Variants in CFAP92 observed in about 807,000 individuals in gnomAD.
The protein encoded by CFAP92 is uncharacterized protein CFAP92.
CFAP92 carries 86 observed loss-of-function variants against 106.3 expected under a neutral mutation model. That is an observed-to-expected ratio of 0.81 (90% confidence interval 0.68 to 0.97). The LOEUF (loss-of-function observed/expected upper bound fraction) is 0.97, where lower values mean the gene tolerates loss of function less well. CFAP92 is among the 50% of genes least tolerant of loss of function. CFAP92 has a pLI of 0.00. For synonymous variants in CFAP92, 477 were observed against 506.4 expected (o/e 0.94, Z 0.78); for missense variants, 1,204 against 1,283.8 (o/e 0.94, Z 0.95).
At chr3:129,024,201 G>A in the CFAP92 span, among the ~76,000 whole-genome samples, 1 of 152,232 alleles carries the variant, frequency 6.6e-6, no homozygotes, top group South Asian at 2.1e-4. Context: ...TTGTTCTGCT[G>A]TAACAGAATA....
chr3:128,947,194 G>A (rs1333892772), intron 9 of CFAP92, among the ~76,000 whole-genome samples: 1 of 151,104 alleles, frequency 6.6e-6, no homozygotes, highest in African/African-American at 2.4e-5. Flanking sequence ...CATGCAAAAT[G>A]TAAATAGGGG....
chr3:128,980,375 A>G (rs1342502800), intron 4 of CFAP92, among the ~76,000 whole-genome samples: 1 of 151,720 alleles, frequency 6.6e-6, no homozygotes, highest in African/African-American at 2.4e-5. Flanking sequence ...TCAAAAAAAA[A>G]AAAAAAAAAA....
At chr3:128,926,285 GAC>G (rs958229801) in intron 12 of CFAP92, among the ~76,000 whole-genome samples, 1 of 152,216 alleles carries the variant, frequency 6.6e-6, no homozygotes, top group Non-Finnish European at 1.5e-5. Context: ...GGAAGGCTGA[GAC>G]AGGTGAATCA....
intron 4 of CFAP92, among the ~76,000 whole-genome samples, chr3:128,978,971 A>G (rs549695990): frequency 0.015 from 2,285 of 152,320 alleles, 58 homozygotes; most frequent in African/African-American, 0.052. Flanking sequence ...TAATTAAACT[A>G]AAGAGCTTCT....
chr3:128,974,532 A>G (rs2107787146), intron 7 of CFAP92, among the ~76,000 whole-genome samples: 1 of 152,322 alleles, frequency 6.6e-6, no homozygotes, highest in East Asian at 1.9e-4. Flanking sequence ...CATAAGAGTG[A>G]ACACTAGGCC....
At position 128,987,718 on chromosome 3, in the gene CFAP92, A is replaced by G. The variant is rs1449406367; in HGVS notation, c.565T>C (p.Leu189=). Residue 189 remains leucine, a synonymous_variant, in exon 4 of 16, where the codon TTG becomes CTG. Coordinates refer to ENST00000645291, the MANE Select transcript of CFAP92 (RefSeq NM_001394090.1). ...LKKINFHKIT[L]RLWNTKDKMS... ...TTGTCTTTAGTGTTCCAGAGCCTCA[A>G]GGTGATTTTGTGGAAATTTATTTTC... is the stretch of plus-strand genomic sequence containing the variant. 8.7e-6 allele frequency: 14 copies of G among 1,613,966 alleles called. No individual in the cohort carries two copies. In the East Asian group the frequency reaches 2.9e-4, roughly 33 times the overall value.
rs1244666856 is a variant in CFAP92, at chr3:128,994,036, T to C, written c.-89A>G. 1.0e-6 allele frequency: 1 copy of C among 986,712 alleles called. No homozygotes were observed. The highest frequency in any genetic ancestry group is 1.7e-5 in the African/African-American group (1 of 57,254). 61.1% of individuals were successfully genotyped at this position (986,712 alleles called of 1,614,324 possible). ...AGTTGGACCGCGGCGGCAACTCCCG[T>C]ACCGGATCCACAGCCACCTGGGCGA... On this transcript the variant is annotated 5_prime_UTR_variant, in exon 1 of 16. Transcript: ENST00000645291.
chr3:129,021,553 A>G, the CFAP92 span, among the ~76,000 whole-genome samples: 1 of 152,210 alleles, frequency 6.6e-6, no homozygotes, highest in Non-Finnish European at 1.5e-5. Context: ...CAGCCTGGGC[A>G]ACAAGATTGA....
At chr3:128,919,958 C>T (rs190810148) in intron 12 of CFAP92, among the ~76,000 whole-genome samples, 1 of 152,262 alleles carries the variant, frequency 6.6e-6, no homozygotes, top group East Asian at 1.9e-4. Flanking sequence ...TGGAATAAGA[C>T]ATCAAGAGTC....
At chr3:128,930,898 CTTTT>C (rs927449321) in intron 12 of CFAP92, among the ~76,000 whole-genome samples, 1 of 151,952 alleles carries the variant, frequency 6.6e-6, no homozygotes, top group South Asian at 2.1e-4. Flanking sequence ...CATTGTTTGA[CTTTT>C]TTTGTTTGTT....
intron 12 of CFAP92, among the ~76,000 whole-genome samples, chr3:128,930,317 A>T (rs1938217502): frequency 6.6e-6 from 1 of 151,814 alleles, no homozygotes; most frequent in South Asian, 2.1e-4. Flanking sequence ...CGCCCAGCTA[A>T]TTTTTTTGTA....
chr3:128,942,665 C>A (rs1375622345), intron 10 of CFAP92, among the ~76,000 whole-genome samples: 5 of 150,192 alleles, frequency 3.3e-5, no homozygotes, highest in African/African-American at 1.2e-4. Flanking sequence ...TTGCTACACA[C>A]CACAAAACTC....
intron 12 of CFAP92, among the ~76,000 whole-genome samples, chr3:128,930,849 A>G (rs908663806): frequency 2.0e-5 from 3 of 152,236 alleles, no homozygotes; most frequent in Admixed American, 6.5e-5. Context: ...ATCTAAGTGC[A>G]TTAAGAGGTA....
At chr3:128,913,611 A>G (rs6790721) in intron 15 of CFAP92, among the ~76,000 whole-genome samples, 10,378 of 152,094 alleles carry the variant, frequency 0.068, 473 homozygotes, top group African/African-American at 0.13. Context: ...TTTTTCCTCC[A>G]AGTATATTCC....
At chr3:129,002,259 C>A in intron 1 of CFAP92, 1 of 1,531,144 alleles carries the variant, frequency 6.5e-7, no homozygotes, top group Non-Finnish European at 8.7e-7. Flanking sequence ...TAGCAGCTTG[C>A]GCGAGTTGGT....
the CFAP92 span, among the ~76,000 whole-genome samples, chr3:129,011,943 C>T: frequency 6.6e-6 from 1 of 152,228 alleles, no homozygotes; most frequent in Admixed American, 6.5e-5. Context: ...TGCCCAGGCT[C>T]ACCCAGTAAA....
At chr3:129,016,732 G>A in the CFAP92 span, among the ~76,000 whole-genome samples, 3 of 152,104 alleles carry the variant, frequency 2.0e-5, no homozygotes, top group African/African-American at 7.2e-5. Context: ...AGGGCCTGAG[G>A]CAGGAGGGGG....
intron 1 of CFAP92, chr3:129,001,529 G>A: frequency 7.5e-7 from 1 of 1,336,494 alleles, no homozygotes; most frequent in East Asian, 3.1e-5. Flanking sequence ...GACCGCGACC[G>A]CTAAGCCCCT....
chr3:129,011,487 G>A, the CFAP92 span, among the ~76,000 whole-genome samples: 1 of 151,658 alleles, frequency 6.6e-6, no homozygotes, highest in Non-Finnish European at 1.5e-5. Context: ...GAAGGTGGAG[G>A]TTGTAGTGAG....
Sources: gnomAD v4.1 joint callset for allele counts (sites outside exome capture counted in the v4.1 genomes callset) on GRCh38, gnomAD v4.1.1 for gene constraint, MANE v1.5 for transcripts, NCBI Gene and HGNC (gene_info 2026-07-23, HGNC 2026-07-21) for gene names.